NCAM2: variants seen among roughly 807,000 people sequenced by gnomAD.
NCAM2 encodes neural cell adhesion molecule 2.
In NCAM2, 30 loss-of-function variants were observed where a neutral mutation model predicts 98.1. That is an observed-to-expected ratio of 0.31 (90% confidence interval 0.23 to 0.41). NCAM2 has a LOEUF of 0.41. Ranked by LOEUF, NCAM2 falls within the 10% of genes least tolerant of loss-of-function variation. The probability of loss-of-function intolerance (pLI) is 1.00; values close to 1 mark genes in which losing one functional copy is unlikely to be tolerated. For missense variants in NCAM2, 867 were observed against 1,005.8 expected, an observed-to-expected ratio of 0.86 and a Z score of 1.87; for synonymous variants, 368 against 342.4, an observed-to-expected ratio of 1.07 and a Z score of -0.83.
At chr21:21,534,149 G>T (rs1989859232) in intron 16 of NCAM2, among the ~76,000 whole-genome samples, 1 of 151,662 alleles carries the variant, frequency 6.6e-6, no homozygotes, top group Non-Finnish European at 1.5e-5. Flanking sequence ...AAAATGTTTT[G>T]AAATATTTTG....
intron 12 of NCAM2, among the ~76,000 whole-genome samples, chr21:21,451,332 C>T (rs749527485): frequency 1.3e-4 from 20 of 152,192 alleles, no homozygotes; most frequent in South Asian, 1.2e-3. Context: ...GCACATTGAT[C>T]GTTTTATTCT....
At chr21:21,411,701 A>G (rs1206580990) in intron 10 of NCAM2, among the ~76,000 whole-genome samples, 1 of 152,134 alleles carries the variant, frequency 6.6e-6, no homozygotes. Context: ...CAGTTTGCAT[A>G]AGCTAAAATG....
intron 15 of NCAM2, among the ~76,000 whole-genome samples, chr21:21,507,788 CAA>C (rs35904478): frequency 0.15 from 14,657 of 97,768 alleles, 859 homozygotes; most frequent in East Asian, 0.34. Flanking sequence ...GACTCCATCT[CAA>C]AAAAAAAAAA....
chr21:21,282,827 T>C (rs1002895036), intron 2 of NCAM2, among the ~76,000 whole-genome samples: 4 of 151,850 alleles, frequency 2.6e-5, no homozygotes, highest in Admixed American at 2.6e-4. Context: ...AATTATTTGT[T>C]AGAGATGCCT....
intron 11 of NCAM2, among the ~76,000 whole-genome samples, chr21:21,430,560 C>T (rs759843266): frequency 1.8e-4 from 27 of 151,936 alleles, no homozygotes; most frequent in African/African-American, 5.3e-4. Context: ...CTTCACAGGG[C>T]GGCAGAACAG....
At chr21:21,140,677 T>A (rs927740664) in intron 1 of NCAM2, among the ~76,000 whole-genome samples, 3 of 152,174 alleles carry the variant, frequency 2.0e-5, no homozygotes, top group African/African-American at 7.2e-5. Flanking sequence ...ATGAAGAGCT[T>A]ATTCTTTGGT....
At chr21:21,236,184 G>A (rs752552093) in intron 1 of NCAM2, among the ~76,000 whole-genome samples, 2 of 151,606 alleles carry the variant, frequency 1.3e-5, no homozygotes, top group Non-Finnish European at 2.9e-5. Flanking sequence ...TAAATAAAGC[G>A]CTTCCTATCT....
intron 1 of NCAM2, among the ~76,000 whole-genome samples, chr21:21,092,476 G>T (rs899515007): frequency 4.0e-5 from 6 of 151,872 alleles, no homozygotes; most frequent in African/African-American, 1.4e-4. Flanking sequence ...TTATACACAT[G>T]AATATTTATT....
intron 1 of NCAM2, among the ~76,000 whole-genome samples, chr21:21,152,612 A>G (rs969946730): frequency 1.3e-5 from 2 of 151,842 alleles, no homozygotes; most frequent in Non-Finnish European, 1.5e-5. Flanking sequence ...TGGAGCCAGT[A>G]CTCTAGAAGT....
chr21:21,471,567 T>G (rs1984445400), intron 14 of NCAM2, among the ~76,000 whole-genome samples: 1 of 151,964 alleles, frequency 6.6e-6, no homozygotes, highest in South Asian at 2.1e-4. Flanking sequence ...AAGAAACAGC[T>G]CTAAGATTTT....
chr21:21,175,272 C>G (rs1478294062), intron 1 of NCAM2, among the ~76,000 whole-genome samples: 1 of 152,048 alleles, frequency 6.6e-6, no homozygotes. Context: ...CCGTGGCTCA[C>G]GCCTGTAATT....
At chr21:21,000,788 T>C (rs2064006935) in intron 1 of NCAM2, among the ~76,000 whole-genome samples, 1 of 152,184 alleles carries the variant, frequency 6.6e-6, no homozygotes, top group South Asian at 2.1e-4. Context: ...CAGAGATGCT[T>C]GGATATAGAT....
intron 1 of NCAM2, among the ~76,000 whole-genome samples, chr21:21,184,079 G>A (rs570839875): frequency 2.6e-5 from 4 of 152,112 alleles, no homozygotes; most frequent in East Asian, 1.9e-4. Context: ...AGTAATACAA[G>A]TATTACTTGG....
chr21:21,218,220 G>C (rs2069987400), intron 1 of NCAM2, among the ~76,000 whole-genome samples: 1 of 152,162 alleles, frequency 6.6e-6, no homozygotes, highest in Non-Finnish European at 1.5e-5. Flanking sequence ...CCTATTAGCT[G>C]ATCCAAGAGC....
chr21:21,212,660 C>CA (rs1374468202), intron 1 of NCAM2, among the ~76,000 whole-genome samples: 1 of 151,590 alleles, frequency 6.6e-6, no homozygotes, highest in African/African-American at 2.4e-5. Context: ...AAAATGTTAT[C>CA]AGTGGAGGAA....
At chr21:21,450,992 C>T (rs9981801) in intron 12 of NCAM2, among the ~76,000 whole-genome samples, 5 of 151,954 alleles carry the variant, frequency 3.3e-5, no homozygotes, top group African/African-American at 1.2e-4. Flanking sequence ...ATATTCCAAG[C>T]GTTTATATGA....
rs558522276 is a variant in NCAM2 at position 21,364,694 on chromosome 21, A to C, written c.1045-9169A>C. 2.6e-4 allele frequency among the ~76,000 whole-genome samples: 39 copies of C among 152,156 alleles called. No homozygotes were observed. The South Asian group carries it at 7.9e-3, about 31-fold the overall frequency. ...TACATCTATATATGTATATATTGCC[A>C]GATACTTTTAATTTTATGGTATCAG... is the stretch of plus-strand genomic sequence containing the variant. On this transcript the variant is annotated intron_variant, in intron 8 of 17. Coordinates refer to ENST00000400546, the MANE Select transcript of NCAM2 (RefSeq NM_004540.5).
chr21:21,233,401 AT>A (rs1427615257), intron 1 of NCAM2, among the ~76,000 whole-genome samples: 1 of 151,518 alleles, frequency 6.6e-6, no homozygotes, highest in Non-Finnish European at 1.5e-5. Flanking sequence ...ATATGATTTC[AT>A]TTTTTTATTT....
At chr21:21,468,841 C>T in intron 14 of NCAM2, 58 bp downstream of exon 14, 1 of 1,460,838 alleles carries the variant, frequency 6.8e-7, no homozygotes, top group Middle Eastern at 1.8e-4. Flanking sequence ...AATTGAGTTG[C>T]ACTGAATTTA....
Sources: allele counts gnomAD v4.1 joint callset (sites outside exome capture counted in the v4.1 genomes callset), GRCh38; gene constraint gnomAD v4.1.1; transcripts MANE v1.5; gene names NCBI Gene and HGNC (gene_info 2026-07-23, HGNC 2026-07-21).